CCN4: variants seen among roughly 807,000 people sequenced by gnomAD.
The protein encoded by CCN4 is cellular communication network factor 4, also known as CCN family member 4.
In CCN4, 30 loss-of-function variants were observed where a neutral mutation model predicts 36.7. That is an observed-to-expected ratio of 0.82 (90% confidence interval 0.61 to 1.11). CCN4 has a LOEUF of 1.11. Ranked by LOEUF, CCN4 falls within the 50% of genes least tolerant of loss-of-function variation. The pLI, the probability that CCN4 is intolerant of heterozygous loss-of-function variation, is 0.00. For synonymous variants in CCN4, 191 were observed against 195.4 expected (o/e 0.98, Z 0.19); for missense variants, 505 against 504.9 (o/e 1.00, Z 0.00).
At chr8:133,219,299 C>T (rs186788322) in intron 2 of CCN4, among the ~76,000 whole-genome samples, 1 of 152,230 alleles carries the variant, frequency 6.6e-6, no homozygotes, top group African/African-American at 2.4e-5. Context: ...CCTCAGACCT[C>T]TCCCACAGCC....
chr8:133,200,142 C>T (rs945759255), intron 1 of CCN4, among the ~76,000 whole-genome samples: 6 of 152,118 alleles, frequency 3.9e-5, no homozygotes, highest in African/African-American at 7.2e-5. Flanking sequence ...ACGCTCTGGG[C>T]GGTGGAGGGA....
At chr8:133,207,563 T>G (rs186611665) in intron 1 of CCN4, among the ~76,000 whole-genome samples, 1 of 152,252 alleles carries the variant, frequency 6.6e-6, no homozygotes, top group African/African-American at 2.4e-5. Context: ...GTTCCATCCC[T>G]GACTACCTGA....
intron 1 of CCN4, among the ~76,000 whole-genome samples, chr8:133,191,876 G>A (rs1853126048): frequency 6.6e-6 from 1 of 152,156 alleles, no homozygotes; most frequent in African/African-American, 2.4e-5. Flanking sequence ...TGGGGGTGAT[G>A]TGGGCACCCC....
chr8:133,208,841 A>G (rs2130564110), intron 1 of CCN4, among the ~76,000 whole-genome samples: 1 of 152,290 alleles, frequency 6.6e-6, no homozygotes, highest in East Asian at 1.9e-4. Context: ...CTGCATCCCC[A>G]GCACCTAGTG....
chr8:133,193,894 G>A (rs1853205647), intron 1 of CCN4, among the ~76,000 whole-genome samples: 1 of 152,152 alleles, frequency 6.6e-6, no homozygotes, highest in African/African-American at 2.4e-5. Context: ...CAGGTGACAG[G>A]GGTAACGTCA....
At chr8:133,191,489 G>C (rs1425490372) in intron 1 of CCN4, among the ~76,000 whole-genome samples, 6 of 152,130 alleles carry the variant, frequency 3.9e-5, no homozygotes, top group African/African-American at 1.2e-4. Flanking sequence ...AGAAAGAACG[G>C]GGCCCTCAGC....
In CCN4 at chr8:133,223,643, A is replaced by T. The variant is rs560921601; in HGVS notation, c.611-1747A>T. Among the ~76,000 whole-genome samples, 55 of 149,876 alleles carry T rather than the reference A, an allele frequency of 3.7e-4. No homozygotes were observed. The South Asian group carries it at 6.4e-3, about 17-fold the overall frequency. On this transcript the variant is annotated intron_variant, in intron 3 of 4. Coordinates refer to ENST00000250160, the MANE Select transcript of CCN4 (RefSeq NM_003882.4). ...TTCCTCCTGTTTCTTTCTCTCTCTC[A>T]CACACACACACGCTTTTTCTCTCTC...
chr8:133,213,917 TAG>T (rs1345790065), intron 2 of CCN4, among the ~76,000 whole-genome samples: 2 of 13,240 alleles, frequency 1.5e-4, no homozygotes, highest in Non-Finnish European at 5.3e-4. Flanking sequence ...CTATATATAG[TAG>T]TTATATATAC....
chr8:133,211,962 C>G (rs1302464031), intron 1 of CCN4, among the ~76,000 whole-genome samples: 1 of 152,212 alleles, frequency 6.6e-6, no homozygotes, highest in Non-Finnish European at 1.5e-5. Flanking sequence ...GCTTGAAGCT[C>G]CTGCACTCAG....
rs199672029 is a variant in CCN4, at chr8:133,225,498, A to C, written c.719A>C (p.Asn240Thr). 1.2e-6 allele frequency: 2 copies of C among 1,614,040 alleles called. No individual in the cohort carries two copies. Among genetic ancestry groups the C allele is most frequent in the Non-Finnish European group, 8.5e-7 (1 of 1,179,996 alleles). ...CGLGVSTRIS[N>T]VNAQCWPEQE... ...CTGGGGGTCTCCACTCGGATCTCCA[A>C]TGTTAACGCCCAGTGCTGGCCTGAG... The change falls in exon 4 of 5, where the codon AAT becomes ACT. Residue 240 changes from asparagine to threonine, a missense_variant. Transcript: ENST00000250160.
At chr8:133,193,344 A>G (rs890758749) in intron 1 of CCN4, among the ~76,000 whole-genome samples, 1 of 152,148 alleles carries the variant, frequency 6.6e-6, no homozygotes, top group Non-Finnish European at 1.5e-5. Context: ...ATATGAAAGC[A>G]CTCTGTAAAG....
rs572481672 is a variant in CCN4, at chr8:133,197,841, G to T, written c.69+6628G>T. On this transcript the variant is annotated intron_variant, in intron 1 of 4. Coordinates refer to ENST00000250160, the MANE Select transcript of CCN4 (RefSeq NM_003882.4). ...CCTGCAGCTCTAGGAATCCTGCTCTGAGTCTGGGAGTGGAGAAAGGCATGT... is the reference window on the plus strand; with the variant it reads ...CCTGCAGCTCTAGGAATCCTGCTCTTAGTCTGGGAGTGGAGAAAGGCATGT... 2.0e-5 allele frequency among the ~76,000 whole-genome samples: 3 copies of T among 152,306 alleles called. No individual in the cohort carries two copies. In the East Asian group the frequency reaches 5.8e-4, roughly 29 times the overall value.
At chr8:133,191,826 C>T in intron 1 of CCN4, among the ~76,000 whole-genome samples, 1 of 152,196 alleles carries the variant, frequency 6.6e-6, no homozygotes, top group Non-Finnish European at 1.5e-5. Context: ...TGCAGAGTGT[C>T]CATACTTGGG....
chr8:133,221,344 T>C (rs1388317511), intron 3 of CCN4, among the ~76,000 whole-genome samples: 1 of 152,212 alleles, frequency 6.6e-6, no homozygotes, highest in Non-Finnish European at 1.5e-5. Context: ...CACTGCTGCT[T>C]ACTGGAATCT....
intron 1 of CCN4, among the ~76,000 whole-genome samples, chr8:133,210,443 G>C (rs1435879539): frequency 6.6e-6 from 1 of 151,264 alleles, no homozygotes; most frequent in Non-Finnish European, 1.5e-5. Context: ...GGATATGTAG[G>C]GTTTTCTTGC....
At chr8:133,195,970 C>T (rs1853367507) in intron 1 of CCN4, among the ~76,000 whole-genome samples, 2 of 152,208 alleles carry the variant, frequency 1.3e-5, no homozygotes, top group Non-Finnish European at 2.9e-5. Flanking sequence ...CAGCCATGGT[C>T]CAGGTGGGTT....
At chr8:133,202,598 G>A (rs1420421562) in intron 1 of CCN4, among the ~76,000 whole-genome samples, 9 of 152,164 alleles carry the variant, frequency 5.9e-5, no homozygotes, top group East Asian at 1.9e-4. Context: ...AGAAAATCTC[G>A]AAAACCTTCT....
At chr8:133,219,696 A>T (rs924353376) in intron 2 of CCN4, among the ~76,000 whole-genome samples, 1 of 152,202 alleles carries the variant, frequency 6.6e-6, no homozygotes, top group African/African-American at 2.4e-5. Context: ...AAAATGTCAA[A>T]TCCTAGAAAA....
chr8:133,192,212 G>A (rs955435490), intron 1 of CCN4, among the ~76,000 whole-genome samples: 2 of 152,228 alleles, frequency 1.3e-5, no homozygotes, highest in Non-Finnish European at 2.9e-5. Context: ...CCCCTTCACA[G>A]ATAAGGAAAC....
Sources: gnomAD v4.1 joint callset for allele counts (sites outside exome capture counted in the v4.1 genomes callset) on GRCh38, gnomAD v4.1.1 for gene constraint, MANE v1.5 for transcripts, NCBI Gene and HGNC (gene_info 2026-07-23, HGNC 2026-07-21) for gene names.